RAB17: variants seen among roughly 807,000 people sequenced by gnomAD.
RAB17 encodes RAB17, member RAS oncogene family, also known as ras-related protein Rab-17.
Under a neutral mutation model 19.3 loss-of-function variants are expected in RAB17, and 15 were observed. That is an observed-to-expected ratio of 0.78 (90% CI 0.52 to 1.20). RAB17 has a LOEUF of 1.20. Among genes scored for constraint, RAB17 ranks in the 50% most tolerant of loss-of-function variants. RAB17 has a pLI of 0.00. For synonymous variants in RAB17, 110 were observed against 112.8 expected, an observed-to-expected ratio of 0.97 and a Z score of 0.16; for missense variants, 262 against 269.3, an observed-to-expected ratio of 0.97 and a Z score of 0.19.
chr2:237,580,533 G>A (rs1228621815), intron 2 of RAB17, among the ~76,000 whole-genome samples: 2 of 152,152 alleles, frequency 1.3e-5, no homozygotes, highest in South Asian at 2.1e-4. Context: ...TTGAGGTCGA[G>A]TTCAAGACCA....
At position 237,574,740 on chromosome 2, in the gene RAB17, A is replaced by G; in HGVS notation, c.*279T>C. 1 of 1,353,392 alleles carries G rather than the reference A, an allele frequency of 7.4e-7. No homozygotes were observed. Among genetic ancestry groups the G allele is most frequent in the Admixed American group, 3.1e-5 (1 of 32,566 alleles). The allele number at this position is 1,353,392 out of a possible 1,614,324, so 83.8% of individuals were successfully genotyped here. A position where few individuals can be genotyped will look rare whatever the true frequency, so the allele number is the denominator to read the frequency against. On this transcript the variant is annotated 3_prime_UTR_variant, in exon 6 of 6. Transcript: ENST00000264601. Reference sequence around the variant, plus strand: ...TCTCTGTCCAGAGGCTGCCAGGCTGAGGGGGCCACCGTCCAGGTGGAACAG... The same window carrying G: ...TCTCTGTCCAGAGGCTGCCAGGCTGGGGGGGCCACCGTCCAGGTGGAACAG...
At position 237,577,152 on chromosome 2, in the gene RAB17, TGTGTGG is replaced by T. The variant is rs776893959; in HGVS notation, c.435+99_435+104del. 20 of 1,370,888 alleles carry T rather than the reference TGTGTGG, an allele frequency of 1.5e-5. No homozygotes were observed. In the Admixed American group the frequency reaches 2.1e-4, roughly 14 times the overall value. The allele number at this position is 1,370,888 out of a possible 1,614,324, so 84.9% of individuals were successfully genotyped here. On this transcript the variant is annotated intron_variant, in intron 4 of 5. Coordinates refer to ENST00000264601, the MANE Select transcript of RAB17 (RefSeq NM_022449.4). ...GTGTGCACATGTGTAAGTGTGTGCG[TGTGTGG>T]GTGTGCGTGTATGAAAGTGTGAGTG...
Position 237,585,099 on chromosome 2 carries a change from A to G in RAB17, c.157+899T>C, listed in dbSNP as rs553427509. ...GCTAACGTCATGTGCCACATCTTGC[A>G]ATTGTGTTTCTGTGTTTGGTGCATC... On this transcript the variant is annotated intron_variant, in intron 2 of 5. Transcript: ENST00000264601. 2.6e-5 allele frequency among the ~76,000 whole-genome samples: 4 copies of G among 152,342 alleles called. No individual in the cohort carries two copies. In the South Asian group the frequency reaches 8.3e-4, roughly 32 times the overall value.
In RAB17 at chr2:237,577,870, C is replaced by A. The variant is rs1276025702; in HGVS notation, c.309+134G>T. The A allele has an allele frequency of 6.8e-6, 7 of 1,034,252 alleles. No individual in the cohort carries two copies. The African/African-American group carries it at 9.6e-5, about 14-fold the overall frequency. 64.1% of individuals were successfully genotyped at this position (1,034,252 alleles called of 1,614,324 possible). A position where few individuals can be genotyped will look rare whatever the true frequency, so the allele number is the denominator to read the frequency against. On this transcript the variant is annotated intron_variant, in intron 3 of 5. Coordinates refer to ENST00000264601, the MANE Select transcript of RAB17 (RefSeq NM_022449.4). ...GGATGGGGGGTTGTCAGGAGGCCAT[C>A]CTGGAGGAGGTGACTGTTGCTCACT...
chr2:237,575,276 C>T, intron 5 of RAB17, 111 bp downstream of exon 5: 1 of 1,060,200 alleles, frequency 9.4e-7, no homozygotes, highest in East Asian at 2.5e-5. Flanking sequence ...GGTCACCATC[C>T]AGTCCCTAAA....
chr2:237,578,227 C>A (rs1574933408), intron 2 of RAB17, 72 bp from the exon 3 acceptor site: 4 of 1,477,588 alleles, frequency 2.7e-6, no homozygotes, highest in African/African-American at 1.4e-5. Flanking sequence ...GGGACCACGG[C>A]AAGCCGCAGG....
rs1307393059 is a variant in RAB17 at position 237,575,102 on chromosome 2, C to T, written c.556G>A (p.Glu186Lys). Residue 186 changes from glutamate to lysine, a missense_variant, in exon 6 of 6, where the codon GAG becomes AAG. Coordinates refer to ENST00000264601, the MANE Select transcript of RAB17 (RefSeq NM_022449.4). ...TCCCCCCGTAGAGCCTGGCCCTCCTCGTCGCTTCTCTGCAGTAGCTCTTGG... is the reference window on the plus strand; with the variant it reads ...TCCCCCCGTAGAGCCTGGCCCTCCTTGTCGCTTCTCTGCAGTAGCTCTTGG... ...VAQELLQRSD[E>K]EGQALRGDAA... 4 of 1,613,602 alleles carry T rather than the reference C, an allele frequency of 2.5e-6. No homozygotes were observed. The highest frequency in any genetic ancestry group is 2.5e-6 in the Non-Finnish European group (3 of 1,179,892).
intron 4 of RAB17, among the ~76,000 whole-genome samples, 176 bp downstream of exon 4, chr2:237,577,081 T>C (rs1447361404): frequency 2.6e-5 from 4 of 151,796 alleles, no homozygotes; most frequent in Non-Finnish European, 5.9e-5. Context: ...AGAGTGAATG[T>C]GGGGGGTGTG....
rs538728241 is a variant in RAB17, at chr2:237,585,846, C to T, written c.157+152G>A. 398 of 734,198 alleles carry T rather than the reference C, an allele frequency of 5.4e-4. 1 individual carries two copies. Among genetic ancestry groups the T allele is most frequent in the Admixed American group, 2.5e-3 (72 of 28,396 alleles). The allele number at this position is 734,198 out of a possible 1,614,324, so 45.5% of individuals were successfully genotyped here. ...ATTCTGTGGCTGCCCTCTTGGACCT[C>T]ACCCCCTCCCCTCACGCACTGGACA... On this transcript the variant is annotated intron_variant, in intron 2 of 5. Coordinates refer to ENST00000264601, the MANE Select transcript of RAB17 (RefSeq NM_022449.4).
At chr2:237,589,211 A>T (rs868821404) in intron 1 of RAB17, among the ~76,000 whole-genome samples, 1 of 151,386 alleles carries the variant, frequency 6.6e-6, no homozygotes, top group East Asian at 1.9e-4. Flanking sequence ...CAGAGCGAGA[A>T]TCTGTCTCCA....
rs1313440128 is a variant in RAB17 at position 237,575,600 on chromosome 2, G to A, written c.436-120C>T. On this transcript the variant is annotated intron_variant, in intron 4 of 5. Transcript: ENST00000264601. ...AGCCGTGGAGCCCGCACTCCTCCAC[G>A]TTTCGTGTCCAAGTTGTGTTTCTTG... is the stretch of plus-strand genomic sequence containing the variant. The A allele has an allele frequency of 7.0e-6, 5 of 717,834 alleles. No individual in the cohort carries two copies. In the South Asian group the frequency reaches 7.2e-5, roughly 10 times the overall value. The allele number at this position is 717,834 out of a possible 1,614,324, so 44.5% of individuals were successfully genotyped here.
intron 2 of RAB17, among the ~76,000 whole-genome samples, chr2:237,581,546 C>T (rs186603968): frequency 7.9e-5 from 12 of 152,248 alleles, no homozygotes; most frequent in East Asian, 1.9e-4. Context: ...TGAGCCACTG[C>T]GCCCAGCCTC....
At chr2:237,585,935 G>A (rs2149189022) in intron 2 of RAB17, 63 bp downstream of exon 2, 12 of 1,484,170 alleles carry the variant, frequency 8.1e-6, no homozygotes, top group Non-Finnish European at 9.9e-6. Flanking sequence ...TGCCCCAGGT[G>A]TGGGTCAGCA....
In RAB17 at chr2:237,584,984, G is replaced by A. The variant is rs147444778; in HGVS notation, c.157+1014C>T. Among the ~76,000 whole-genome samples the A allele has an allele frequency of 7.9e-3, 1,209 of 152,256 alleles. 14 individuals carry two copies. The highest frequency in any genetic ancestry group is 0.027 in the African/African-American group (1,120 of 41,546). ...CTTCTCACCACTAGCTCTGGGAGTC[G>A]GGCCAGGCAGACCCCTGCCAATTCC... On this transcript the variant is annotated intron_variant, in intron 2 of 5. Coordinates refer to ENST00000264601, the MANE Select transcript of RAB17 (RefSeq NM_022449.4).
intron 4 of RAB17, among the ~76,000 whole-genome samples, 176 bp downstream of exon 4, chr2:237,577,081 T>TG (rs1038822161): frequency 6.6e-6 from 1 of 151,796 alleles, no homozygotes; most frequent in African/African-American, 2.4e-5. Context: ...AGAGTGAATG[T>TG]GGGGGGTGTG....
At chr2:237,582,100 CTCCCG>C (rs1202405391) in intron 2 of RAB17, among the ~76,000 whole-genome samples, 1 of 152,280 alleles carries the variant, frequency 6.6e-6, no homozygotes, top group African/African-American at 2.4e-5. Context: ...GTCCCTCGGA[CTCCCG>C]TCCGTTCTGC....
At chr2:237,587,864 AAAAG>A (rs1340904922) in intron 1 of RAB17, among the ~76,000 whole-genome samples, 1 of 152,078 alleles carries the variant, frequency 6.6e-6, no homozygotes, top group Non-Finnish European at 1.5e-5. Context: ...AAAAGAAAGA[AAAAG>A]AAAAAGAAAA....
intron 3 of RAB17, 42 bp downstream of exon 3, chr2:237,577,962 G>T: frequency 6.4e-7 from 1 of 1,561,392 alleles, no homozygotes; most frequent in Non-Finnish European, 8.7e-7. Context: ...GAAGGCAGGT[G>T]CTTGGGAAGG....
intron 5 of RAB17, 127 bp downstream of exon 5, chr2:237,575,260 C>CCTCCTGGTCACCA: frequency 9.8e-7 from 1 of 1,019,644 alleles, no homozygotes; most frequent in Admixed American, 2.3e-5. Flanking sequence ...GCCTCCTGCC[C>CCTCCTGGTCACCA]CTCCTGGTCA....
Sources: allele counts gnomAD v4.1 joint callset (sites outside exome capture counted in the v4.1 genomes callset), GRCh38; gene constraint gnomAD v4.1.1; transcripts MANE v1.5; gene names NCBI Gene and HGNC (gene_info 2026-07-23, HGNC 2026-07-21).